Variants in HSP90AA1 observed in about 807,000 individuals in gnomAD.
HSP90AA1 encodes the protein heat shock protein HSP 90-alpha.
HSP90AA1 carries 18 observed loss-of-function variants against 73.3 expected under a neutral mutation model. The observed-to-expected ratio is 0.25, with a 90% CI of 0.17 to 0.36. The LOEUF (loss-of-function observed/expected upper bound fraction) is 0.36, where lower values mean the gene tolerates loss of function less well. Ranked by LOEUF, HSP90AA1 falls within the 10% of genes least tolerant of loss-of-function variation. The pLI is 1.00. For missense variants in HSP90AA1, 704 were observed against 874.2 expected, an observed-to-expected ratio of 0.81 and a Z score of 2.45; for synonymous variants, 477 against 296.9, an observed-to-expected ratio of 1.61 and a Z score of -6.24.
intron 1 of HSP90AA1, among the ~76,000 whole-genome samples, chr14:102,138,957 GA>G (rs1224774746): frequency 1.3e-5 from 2 of 149,362 alleles, no homozygotes; most frequent in Non-Finnish European, 1.5e-5. Flanking sequence ...GAGGCTTCTG[GA>G]AAAAAAAACA....
chr14:102,083,413 G>A, intron 8 of HSP90AA1, 111 bp from the exon 9 acceptor site: 1 of 1,433,404 alleles, frequency 7.0e-7, no homozygotes, highest in South Asian at 1.1e-5. Flanking sequence ...GACAGAAAAT[G>A]ACCTAGTTCA....
chr14:102,081,332 G>T lies in HSP90AA1; in HGVS notation c.*380C>A, dbSNP rs1331563005. ...GTTCAAAAAGTAGATCCTACAAGAT[G>T]TAACGAATACTTTTCTAAACATCAA... On this transcript the variant is annotated 3_prime_UTR_variant, in exon 11 of 11. Transcript: ENST00000216281. The T allele has an allele frequency of 3.0e-6, 1 of 330,892 alleles. No homozygotes were observed. The highest frequency in any genetic ancestry group is 4.5e-5 in the Admixed American group (1 of 22,000). The allele number at this position is 330,892 out of a possible 1,614,324, so 20.5% of individuals were successfully genotyped here.
At chr14:102,139,308 G>T (rs752858288) in exon 1 of HSP90AA1, 7 of 1,613,916 alleles carry the variant, frequency 4.3e-6, no homozygotes, top group East Asian at 4.5e-5. Flanking sequence ...GGATCCAGAC[G>T]GTCGCGCGGG....
intron 2 of HSP90AA1, among the ~76,000 whole-genome samples, chr14:102,098,459 C>CTTTTT (rs55683551): frequency 1.3e-5 from 1 of 75,464 alleles, no homozygotes; most frequent in African/African-American, 5.1e-5. Flanking sequence ...TGCACCTGGC[C>CTTTTT]TTTTTTTTTT....
intron 1 of HSP90AA1, among the ~76,000 whole-genome samples, chr14:102,103,296 A>C (rs1194438641): frequency 6.7e-6 from 1 of 149,946 alleles, no homozygotes; most frequent in East Asian, 2.0e-4. Context: ...TGCAGCCTCA[A>C]CCTGCTGGGC....
At chr14:102,082,929 T>TA (rs2049132648) in intron 9 of HSP90AA1, 105 bp downstream of exon 9, 6 of 1,229,590 alleles carry the variant, frequency 4.9e-6, no homozygotes, top group South Asian at 1.2e-5. Context: ...ACACACAACA[T>TA]AGTTTTCTGT....
chr14:102,139,679 CCA>C (rs952141877), exon 1 of HSP90AA1: 25 of 663,676 alleles, frequency 3.8e-5, no homozygotes, highest in Non-Finnish European at 6.3e-5. Flanking sequence ...CGCCCGGAGG[CCA>C]CACCCGGGGG....
In HSP90AA1 at chr14:102,081,697, T is replaced by G; in HGVS notation, c.*15A>C. ...TGTAGAGTACTGAACAGGTAAGTCA[T>G]CCCTCAGCCAGAGATTAGTCTACTT... On this transcript the variant is annotated 3_prime_UTR_variant, in exon 11 of 11. Coordinates refer to ENST00000216281, the MANE Select transcript of HSP90AA1 (RefSeq NM_005348.4). The G allele has an allele frequency of 9.4e-7, 1 of 1,060,988 alleles. No individual in the cohort carries two copies. Among genetic ancestry groups the G allele is most frequent in the Non-Finnish European group, 1.5e-6 (1 of 674,524 alleles). The allele number at this position is 1,060,988 out of a possible 1,614,324, so 65.7% of individuals were successfully genotyped here. A position where few individuals can be genotyped will look rare whatever the true frequency, so the allele number is the denominator to read the frequency against.
At position 102,084,506 on chromosome 14, in the gene HSP90AA1, G is replaced by A; in HGVS notation, c.1040C>T (p.Ala347Val). ...TCTGTTTTCAAACAGATCAAAAGGA[G>A]CACGTCGTGGGACAAATAGAAGGGC... ...FRALLFVPRR[A>V]PFDLFENRKK... is the part of the protein sequence containing the mutation. Residue 347 changes from alanine to valine, a missense_variant, in exon 6 of 11, where the codon GCT (alanine) becomes GTT (valine). Coordinates refer to ENST00000216281, the MANE Select transcript of HSP90AA1 (RefSeq NM_005348.4). 6.2e-7 allele frequency: 1 copy of A among 1,614,130 alleles called. No individual in the cohort carries two copies. Among genetic ancestry groups the A allele is most frequent in the Non-Finnish European group, 8.5e-7 (1 of 1,179,952 alleles).
upstream of HSP90AA1, among the ~76,000 whole-genome samples, chr14:102,090,113 C>T (rs765494537): frequency 6.6e-6 from 1 of 152,260 alleles, no homozygotes; most frequent in Non-Finnish European, 1.5e-5. Flanking sequence ...CCAGTTCCCA[C>T]TGTGCTCCTA....
At chr14:102,082,018 G>C in intron 10 of HSP90AA1, 93 bp downstream of exon 10, 1 of 912,266 alleles carries the variant, frequency 1.1e-6, no homozygotes, top group Non-Finnish European at 1.8e-6. Context: ...AGCAGGACAA[G>C]GTGCTCCAAG....
chr14:102,125,742 G>T (rs762138693), intron 1 of HSP90AA1, among the ~76,000 whole-genome samples: 1 of 152,182 alleles, frequency 6.6e-6, no homozygotes, highest in Admixed American at 6.5e-5. Context: ...ACAACCTAGT[G>T]AGATGAGACA....
rs2049136381 is a variant in HSP90AA1, at chr14:102,083,053, A to AAT, written c.1734_1735dup (p.Leu579TyrfsTer16). The AAT allele has an allele frequency of 6.2e-7, 1 of 1,613,772 alleles. No individual in the cohort carries two copies. Among genetic ancestry groups the AAT allele is most frequent in the African/African-American group, 1.3e-5 (1 of 74,906 alleles). ...ACATACCTTTTCAACTTTTTTCTCC[A>AAT]ATATGTCTTTCATGATTTTGCAGAG... On this transcript the variant is annotated frameshift_variant, in exon 9 of 11. Transcript: ENST00000216281. LOFTEE classifies it high-confidence loss of function.
chr14:102,121,625 T>C (rs1351782330), intron 1 of HSP90AA1, among the ~76,000 whole-genome samples: 1 of 152,230 alleles, frequency 6.6e-6, no homozygotes, highest in South Asian at 2.1e-4. Context: ...AACACTATTA[T>C]CAATTTTATA....
chr14:102,087,016 C>T lies in HSP90AA1; in HGVS notation c.-31G>A, dbSNP rs1026355438. On this transcript the variant is annotated 5_prime_UTR_variant, in exon 1 of 11. Coordinates refer to ENST00000216281, the MANE Select transcript of HSP90AA1 (RefSeq NM_005348.4). Reference sequence around the variant, plus strand: ...CTAAGTGACCGCACAGGACCAACGGCACAGCCACACCGGGACGCTGAAGCA... The same window carrying T: ...CTAAGTGACCGCACAGGACCAACGGTACAGCCACACCGGGACGCTGAAGCA... 5 of 985,326 alleles carry T rather than the reference C, an allele frequency of 5.1e-6. No homozygotes were observed. The highest frequency in any genetic ancestry group is 6.2e-5 in the Admixed American group (1 of 16,256). 61.0% of individuals were successfully genotyped at this position (985,326 alleles called of 1,614,324 possible).
intron 1 of HSP90AA1, among the ~76,000 whole-genome samples, chr14:102,122,985 T>G (rs1354579945): frequency 6.6e-6 from 1 of 152,160 alleles, no homozygotes; most frequent in African/African-American, 2.4e-5. Context: ...TTCTTTTTCA[T>G]AGTGATTCTT....
intron 1 of HSP90AA1, among the ~76,000 whole-genome samples, chr14:102,114,197 T>C (rs958545237): frequency 3.3e-5 from 5 of 151,158 alleles, no homozygotes; most frequent in Non-Finnish European, 7.4e-5. Context: ...CCATGTTGCA[T>C]AGGCTGGTCT....
At chr14:102,139,670 G>A (rs1485394850) in exon 1 of HSP90AA1, 2 of 653,158 alleles carry the variant, frequency 3.1e-6, no homozygotes, top group African/African-American at 1.8e-5. Context: ...CAGCCATGCC[G>A]CCCGGAGGCC....
At chr14:102,119,551 C>T (rs1403452177) in intron 1 of HSP90AA1, among the ~76,000 whole-genome samples, 5 of 152,182 alleles carry the variant, frequency 3.3e-5, no homozygotes, top group Non-Finnish European at 5.9e-5. Flanking sequence ...AACAGTGGTG[C>T]GATCTCAGTT....
Sources: gnomAD v4.1 joint callset for allele counts (sites outside exome capture counted in the v4.1 genomes callset) on GRCh38, gnomAD v4.1.1 for gene constraint, MANE v1.5 for transcripts, NCBI Gene and HGNC (gene_info 2026-07-23, HGNC 2026-07-21) for gene names.